SGMS2: variants seen among roughly 807,000 people sequenced by gnomAD.
The protein encoded by SGMS2 is sphingomyelin synthase 2, also known as phosphatidylcholine:ceramide cholinephosphotransferase 2.
Under a neutral mutation model 43.8 loss-of-function variants are expected in SGMS2, and 21 were observed. That is an observed-to-expected ratio of 0.48 (90% CI 0.34 to 0.69). SGMS2 has a LOEUF of 0.69. SGMS2 is among the 30% of genes least tolerant of loss of function. The probability of loss-of-function intolerance (pLI) is 0.01; values close to 1 mark genes in which losing one functional copy is unlikely to be tolerated. For missense variants in SGMS2, 384 were observed against 443.2 expected (o/e 0.87, Z 1.20); for synonymous variants, 167 against 160.6 (o/e 1.04, Z -0.30).
In SGMS2 at chr4:107,878,790, A is replaced by T. The variant is rs901419277; in HGVS notation, c.-244-16520A>T. Among the ~76,000 whole-genome samples, 5 of 152,234 alleles carry T rather than the reference A, an allele frequency of 3.3e-5. No homozygotes were observed. In the East Asian group the frequency reaches 9.6e-4, roughly 29 times the overall value. ...AATATGCTAAGAATCAGATTTAATC[A>T]TTAAATTTTCCAGTCACCAACAGAA... On this transcript the variant is annotated intron_variant, in intron 2 of 6. Transcript: ENST00000690982.
At chr4:107,858,855 C>A (rs924599906) in intron 2 of SGMS2, among the ~76,000 whole-genome samples, 8 of 152,194 alleles carry the variant, frequency 5.3e-5, no homozygotes, top group African/African-American at 1.7e-4. Flanking sequence ...AACTTTCTAA[C>A]CTGTTTGCAT....
At chr4:107,837,487 C>G (rs1001070954) in intron 1 of SGMS2, among the ~76,000 whole-genome samples, 5 of 152,130 alleles carry the variant, frequency 3.3e-5, no homozygotes, top group African/African-American at 1.2e-4. Context: ...CAATCTGCTG[C>G]AGCCTGTGAG....
At position 107,912,583 on chromosome 4, in the gene SGMS2, T is replaced by A. The variant is rs1732193023; in HGVS notation, c.*2030T>A. 4 of 152,298 alleles carry A rather than the reference T, an allele frequency of 2.6e-5. 1 individual carries two copies. The South Asian group carries it at 8.3e-4, about 32-fold the overall frequency. 9.4% of individuals were successfully genotyped at this position (152,298 alleles called of 1,614,324 possible). A position where few individuals can be genotyped will look rare whatever the true frequency, so the allele number is the denominator to read the frequency against. ...GCTCTCCTAACACTGGTGTTTTCCT[T>A]GAGCCTCTAATTCAAATAAAACAAA... On this transcript the variant is annotated 3_prime_UTR_variant, in exon 7 of 7. Transcript: ENST00000690982.
chr4:107,849,112 A>G (rs1726995019), intron 1 of SGMS2, among the ~76,000 whole-genome samples: 1 of 152,160 alleles, frequency 6.6e-6, no homozygotes, highest in African/African-American at 2.4e-5. Flanking sequence ...ATGCAGAGAA[A>G]CAGACTGGTT....
chr4:107,832,327 G>A lies in SGMS2; in HGVS notation c.-327+7074G>A, dbSNP rs538529787. ...CCTTGAAATATAGTTTCATTGGCAA[G>A]TTATAAGCAGCAAGCAGGAGCATTT... On this transcript the variant is annotated intron_variant, in intron 1 of 6. Coordinates refer to ENST00000690982, the MANE Select transcript of SGMS2 (RefSeq NM_001375905.1). Among the ~76,000 whole-genome samples the A allele has an allele frequency of 5.3e-5, 8 of 152,322 alleles. No homozygotes were observed. In the South Asian group the frequency reaches 1.4e-3, roughly 28 times the overall value.
chr4:107,896,025 T>C lies in SGMS2; in HGVS notation c.455+17T>C. 1 of 1,595,836 alleles carries C rather than the reference T, an allele frequency of 6.3e-7. No individual in the cohort carries two copies. The highest frequency in any genetic ancestry group is 8.6e-7 in the Non-Finnish European group (1 of 1,168,666). On this transcript the variant is annotated intron_variant, in intron 3 of 6. Coordinates refer to ENST00000690982, the MANE Select transcript of SGMS2 (RefSeq NM_001375905.1). ...GAGATACAAGTAAGTAAATCTAATGTTTTGAGGATTTGTCATGGGTTTGTT... is the reference window on the plus strand; with the variant it reads ...GAGATACAAGTAAGTAAATCTAATGCTTTGAGGATTTGTCATGGGTTTGTT...
Position 107,895,789 on chromosome 4 carries a change from C to T in SGMS2, c.236C>T (p.Thr79Met), listed in dbSNP as rs566477554. 27 of 1,613,900 alleles carry T rather than the reference C, an allele frequency of 1.7e-5. No individual in the cohort carries two copies. The highest frequency in any genetic ancestry group is 3.3e-5 in the South Asian group (3 of 91,076). The change falls in exon 3 of 7, where the codon ACG (threonine) becomes ATG (methionine). Residue 79 changes from threonine to methionine, a missense_variant. Transcript: ENST00000690982. ...AAATTTCCACTAGAGTGGTGGAAAA[C>T]GGGCATTGCCTTCATATATGCAGTT... ...RNKFPLEWWK[T>M]GIAFIYAVFN...
At chr4:107,903,888 A>C (rs900176853) in intron 5 of SGMS2, among the ~76,000 whole-genome samples, 40 of 152,302 alleles carry the variant, frequency 2.6e-4, no homozygotes, top group African/African-American at 9.4e-4. Flanking sequence ...ATCATCATCT[A>C]GCACTTTCTG....
intron 5 of SGMS2, among the ~76,000 whole-genome samples, chr4:107,904,708 T>G (rs1455536586): frequency 6.6e-6 from 1 of 152,206 alleles, no homozygotes; most frequent in East Asian, 1.9e-4. Context: ...GAGTGGGTCC[T>G]GGATCTGTCT....
At chr4:107,835,914 G>C (rs912177474) in intron 1 of SGMS2, among the ~76,000 whole-genome samples, 6 of 152,064 alleles carry the variant, frequency 3.9e-5, no homozygotes, top group African/African-American at 1.4e-4. Flanking sequence ...CAAGAACCCA[G>C]TACTGTCAAT....
intron 1 of SGMS2, among the ~76,000 whole-genome samples, chr4:107,844,927 T>C (rs138688133): frequency 6.6e-6 from 1 of 152,304 alleles, no homozygotes; most frequent in African/African-American, 2.4e-5. Context: ...CTGGACCATT[T>C]GTTCTCTCTT....
chr4:107,896,691 C>T (rs145678246), intron 3 of SGMS2, among the ~76,000 whole-genome samples: 35 of 152,228 alleles, frequency 2.3e-4, no homozygotes, highest in African/African-American at 6.3e-4. Context: ...GGTTCAGCCT[C>T]CTCATTTTTG....
intron 5 of SGMS2, chr4:107,907,814 G>C (rs1321062745): frequency 1.3e-5 from 2 of 152,124 alleles, no homozygotes; most frequent in Admixed American, 6.5e-5. Flanking sequence ...GATGAACTCT[G>C]GTTTCAGTTA....
intron 1 of SGMS2, among the ~76,000 whole-genome samples, chr4:107,850,420 C>CT (rs1220035516): frequency 1.3e-5 from 2 of 152,098 alleles, no homozygotes; most frequent in Non-Finnish European, 2.9e-5. Flanking sequence ...ATCTCTAAGC[C>CT]TTTTTGGAAA....
chr4:107,887,215 C>G (rs1431641956), intron 2 of SGMS2, among the ~76,000 whole-genome samples: 2 of 152,090 alleles, frequency 1.3e-5, no homozygotes, highest in African/African-American at 4.8e-5. Context: ...TATCAGAAAC[C>G]TGCATTCAGG....
chr4:107,908,470 C>A, intron 5 of SGMS2, 95 bp from the exon 6 acceptor site: 1 of 1,231,952 alleles, frequency 8.1e-7, no homozygotes, highest in Non-Finnish European at 1.1e-6. Flanking sequence ...ACTTCCTGAT[C>A]CTGGGTTATT....
At chr4:107,831,213 A>T (rs181084191) in intron 1 of SGMS2, among the ~76,000 whole-genome samples, 1 of 152,290 alleles carries the variant, frequency 6.6e-6, no homozygotes, top group African/African-American at 2.4e-5. Context: ...TTTTGTCTCC[A>T]CTAGCTTCAG....
chr4:107,849,480 A>G lies in SGMS2; in HGVS notation c.-326-8992A>G, dbSNP rs73838244. Among the ~76,000 whole-genome samples the G allele has an allele frequency of 5.8e-3, 879 of 152,328 alleles. 13 individuals are homozygous for G. The highest frequency in any genetic ancestry group is 0.02 in the African/African-American group (850 of 41,576). On this transcript the variant is annotated intron_variant, in intron 1 of 6. Coordinates refer to ENST00000690982, the MANE Select transcript of SGMS2 (RefSeq NM_001375905.1). Reference sequence around the variant, plus strand: ...TTGGACAGTCCGGCAATAGAAAGTCAGAACAAATTTGAGAGACTATTAAAT... The same window carrying G: ...TTGGACAGTCCGGCAATAGAAAGTCGGAACAAATTTGAGAGACTATTAAAT...
intron 4 of SGMS2, among the ~76,000 whole-genome samples, chr4:107,902,842 T>C (rs921416267): frequency 1.3e-5 from 2 of 152,122 alleles, no homozygotes; most frequent in Non-Finnish European, 2.9e-5. Context: ...GCAGAGAATA[T>C]TGGTAATGTG....
Sources: gnomAD v4.1 joint callset for allele counts (sites outside exome capture counted in the v4.1 genomes callset) on GRCh38, gnomAD v4.1.1 for gene constraint, MANE v1.5 for transcripts, NCBI Gene and HGNC (gene_info 2026-07-23, HGNC 2026-07-21) for gene names.